RABGAP1L: variants seen among roughly 807,000 people sequenced by gnomAD.
RABGAP1L encodes rab GTPase-activating protein 1-like.
RABGAP1L carries 63 observed loss-of-function variants against 137.7 expected under a neutral mutation model. The observed-to-expected ratio is 0.46, with a 90% CI of 0.37 to 0.56. The LOEUF is 0.56. Ranked by LOEUF, RABGAP1L falls within the 20% of genes least tolerant of loss-of-function variation. RABGAP1L has a pLI of 0.00. For missense variants in RABGAP1L, 1,095 were observed against 1,244.0 expected (o/e 0.88, Z 1.80); for synonymous variants, 431 against 433.7 (o/e 0.99, Z 0.08).
intron 18 of RABGAP1L, among the ~76,000 whole-genome samples, chr1:174,781,333 T>G (rs1686988364): frequency 6.6e-6 from 1 of 152,252 alleles, no homozygotes; most frequent in Non-Finnish European, 1.5e-5. Flanking sequence ...ATGATGAGCA[T>G]TTTTTCATGT....
intron 4 of RABGAP1L, among the ~76,000 whole-genome samples, chr1:174,234,817 G>A (rs1004434116): frequency 3.4e-4 from 51 of 148,346 alleles, no homozygotes; most frequent in African/African-American, 1.2e-3. Flanking sequence ...GTCATTGGTA[G>A]CTTGATGGGG....
At position 174,448,846 on chromosome 1, in the gene RABGAP1L, T is replaced by C; in HGVS notation, c.1710+54701T>C. The C allele has an allele frequency of 1.9e-6, 3 of 1,614,114 alleles. No individual in the cohort carries two copies. Among genetic ancestry groups the C allele is most frequent in the Non-Finnish European group, 2.5e-6 (3 of 1,179,962 alleles). ...TAAATGACCGAAGAGCCCGATTCCC[T>C]AGTCATGAGGTAGATTCTTCCAGAG... On this transcript the variant is annotated intron_variant, in intron 13 of 25. Transcript: ENST00000681986. This position sits in a 1 kb window ranked among gnomAD's most constrained non-coding sequence, Gnocchi z 4.2.
chr1:174,653,667 C>G (rs932125659), intron 14 of RABGAP1L, among the ~76,000 whole-genome samples: 1 of 152,220 alleles, frequency 6.6e-6, no homozygotes, highest in Non-Finnish European at 1.5e-5. Context: ...CCGCCTTCTG[C>G]GTTGATCTAG....
At chr1:174,225,419 A>C (rs1670090577) in intron 3 of RABGAP1L, among the ~76,000 whole-genome samples, 2 of 146,862 alleles carry the variant, frequency 1.4e-5, no homozygotes, top group African/African-American at 5.0e-5. Context: ...TTGTTGAGTA[A>C]TTGGCTTGTT....
chr1:174,679,609 AAAAG>A (rs1312697479), intron 14 of RABGAP1L, among the ~76,000 whole-genome samples: 1 of 152,218 alleles, frequency 6.6e-6, no homozygotes, highest in African/African-American at 2.4e-5. Context: ...GTAGGGCAAG[AAAAG>A]AAGGCATATG....
intron 1 of RABGAP1L, among the ~76,000 whole-genome samples, chr1:174,190,884 A>G (rs1347443436): frequency 6.6e-6 from 1 of 152,216 alleles, no homozygotes; most frequent in East Asian, 1.9e-4. Context: ...CCATTGTAGC[A>G]TTATTAATTG....
intron 7 of RABGAP1L, among the ~76,000 whole-genome samples, chr1:174,270,060 C>G (rs1674423557): frequency 6.6e-6 from 1 of 152,170 alleles, no homozygotes; most frequent in African/African-American, 2.4e-5. Context: ...ATGACTAATA[C>G]AGCTTGACAG....
intron 10 of RABGAP1L, among the ~76,000 whole-genome samples, chr1:174,289,366 C>T (rs965924120): frequency 6.6e-6 from 1 of 152,092 alleles, no homozygotes; most frequent in African/African-American, 2.4e-5. Context: ...GTTTTTATTA[C>T]TTTGTTGAAC....
intron 14 of RABGAP1L, among the ~76,000 whole-genome samples, chr1:174,644,143 G>A (rs999568613): frequency 2.0e-5 from 3 of 151,992 alleles, no homozygotes; most frequent in African/African-American, 4.8e-5. Context: ...AAGATATAAT[G>A]TGATTTTAAA....
chr1:174,637,233 A>G (rs1230165702), intron 13 of RABGAP1L, 142 bp from the exon 14 acceptor site: 2 of 598,406 alleles, frequency 3.3e-6, no homozygotes, highest in Admixed American at 3.0e-5. Flanking sequence ...GTATAGGACT[A>G]TGGGTCTGGG....
chr1:174,292,470 T>C (rs2148723007), intron 10 of RABGAP1L, among the ~76,000 whole-genome samples: 1 of 152,026 alleles, frequency 6.6e-6, no homozygotes, highest in South Asian at 2.1e-4. Flanking sequence ...TTAATTATAT[T>C]TGAAATATTT....
intron 15 of RABGAP1L, among the ~76,000 whole-genome samples, chr1:174,690,936 A>C (rs1473755214): frequency 6.6e-6 from 1 of 151,142 alleles, no homozygotes; most frequent in African/African-American, 2.4e-5. Context: ...GGTTCAAGGA[A>C]TTTTTCTGCT....
At chr1:174,228,246 A>G (rs1476641288) in intron 3 of RABGAP1L, among the ~76,000 whole-genome samples, 2 of 152,032 alleles carry the variant, frequency 1.3e-5, no homozygotes, top group African/African-American at 2.4e-5. Flanking sequence ...CTGTAGAGTC[A>G]TGAATCTTGG....
chr1:174,568,144 G>A (rs1667705149), intron 13 of RABGAP1L, among the ~76,000 whole-genome samples: 1 of 152,114 alleles, frequency 6.6e-6, no homozygotes, highest in South Asian at 2.1e-4. Flanking sequence ...AGGGGAGCCA[G>A]CGCATCACAT....
chr1:174,898,477 GTTTC>G (rs1394310999), intron 19 of RABGAP1L, among the ~76,000 whole-genome samples: 1 of 152,306 alleles, frequency 6.6e-6, no homozygotes, highest in East Asian at 1.9e-4. Flanking sequence ...AACTGTAACA[GTTTC>G]TTAGGAAGGT....
intron 13 of RABGAP1L, among the ~76,000 whole-genome samples, chr1:174,428,617 G>A (rs985649345): frequency 6.6e-6 from 1 of 152,054 alleles, no homozygotes; most frequent in Non-Finnish European, 1.5e-5. Context: ...TCGTTATTAA[G>A]AGATATTTTT....
chr1:174,884,105 C>A (rs916676608), intron 19 of RABGAP1L, among the ~76,000 whole-genome samples: 2 of 152,194 alleles, frequency 1.3e-5, no homozygotes, highest in Admixed American at 1.3e-4. Context: ...TAGAACACTG[C>A]CCTTTAACAA....
intron 17 of RABGAP1L, among the ~76,000 whole-genome samples, chr1:174,727,420 C>CA (rs1682077710): frequency 1.3e-5 from 2 of 152,180 alleles, no homozygotes; most frequent in African/African-American, 4.8e-5. Flanking sequence ...TATGGAACCT[C>CA]ATAGTCTGCA....
intron 19 of RABGAP1L, among the ~76,000 whole-genome samples, chr1:174,955,500 T>G (rs1668378225): frequency 6.6e-6 from 1 of 152,228 alleles, no homozygotes; most frequent in Non-Finnish European, 1.5e-5. Flanking sequence ...CTGTCCTCAT[T>G]TTAATGAAAA....
Sources: gnomAD v4.1 joint callset for allele counts (sites outside exome capture counted in the v4.1 genomes callset) on GRCh38, gnomAD v4.1.1 for gene constraint, Gnocchi (gnomAD v3.1) non-coding constraint, MANE v1.5 for transcripts, NCBI Gene and HGNC (gene_info 2026-07-23, HGNC 2026-07-21) for gene names.